Variants in FAF1 observed in about 807,000 individuals in gnomAD.
FAF1 encodes FAS-associated factor 1.
FAF1 carries 25 observed loss-of-function variants against 92.5 expected under a neutral mutation model. The observed-to-expected ratio is 0.27, with a 90% CI of 0.20 to 0.38. The LOEUF (loss-of-function observed/expected upper bound fraction) is 0.38. Ranked by LOEUF, FAF1 falls within the 10% of genes least tolerant of loss-of-function variation. FAF1 has a pLI of 1.00. For missense variants in FAF1, 636 were observed against 793.3 expected (o/e 0.80, Z 2.38); for synonymous variants, 234 against 273.2 (o/e 0.86, Z 1.42).
intron 9 of FAF1, among the ~76,000 whole-genome samples, chr1:50,592,323 G>A (rs1266938245): frequency 6.6e-6 from 1 of 152,002 alleles, no homozygotes; most frequent in African/African-American, 2.4e-5. Context: ...ACTGTCAACT[G>A]AGAACTGAAC....
At chr1:50,937,420 C>T (rs1162971653) in intron 1 of FAF1, among the ~76,000 whole-genome samples, 3 of 151,764 alleles carry the variant, frequency 2.0e-5, no homozygotes, top group African/African-American at 7.3e-5. Flanking sequence ...TGGGGCGGGG[C>T]GCAGATTCTG....
At chr1:50,697,354 C>T (rs1426965692) in intron 7 of FAF1, among the ~76,000 whole-genome samples, 1 of 152,064 alleles carries the variant, frequency 6.6e-6, no homozygotes, top group African/African-American at 2.4e-5. Flanking sequence ...GGGGGCTGTA[C>T]TATAGACATT....
At chr1:50,536,161 A>C (rs1488984164) in intron 14 of FAF1, among the ~76,000 whole-genome samples, 1 of 152,122 alleles carries the variant, frequency 6.6e-6, no homozygotes, top group African/African-American at 2.4e-5. Context: ...GCTGCTTTTA[A>C]ATGATTCTTA....
At chr1:50,565,815 T>C (rs927400092) in intron 13 of FAF1, among the ~76,000 whole-genome samples, 20 of 152,080 alleles carry the variant, frequency 1.3e-4, no homozygotes, top group African/African-American at 4.6e-4. Context: ...TAGTGTTTCC[T>C]TCTCCATCAA....
intron 5 of FAF1, among the ~76,000 whole-genome samples, chr1:50,739,410 A>G (rs569024788): frequency 1.7e-5 from 2 of 115,948 alleles, no homozygotes. Context: ...GTATGTGTAT[A>G]CATGTGAGTG....
intron 2 of FAF1, among the ~76,000 whole-genome samples, chr1:50,817,143 C>T (rs150722193): frequency 1.3e-5 from 2 of 152,128 alleles, no homozygotes; most frequent in East Asian, 3.9e-4. Flanking sequence ...TCTTTTTGCT[C>T]AGGATGGCTT....
chr1:50,577,456 C>T (rs749049097), intron 12 of FAF1, among the ~76,000 whole-genome samples: 3 of 152,088 alleles, frequency 2.0e-5, no homozygotes, highest in Non-Finnish European at 4.4e-5. Context: ...ACTCAGGAGG[C>T]GGAGTTTGCA....
intron 8 of FAF1, among the ~76,000 whole-genome samples, chr1:50,629,161 CTT>C (rs759732173): frequency 1.5e-4 from 17 of 110,720 alleles, no homozygotes; most frequent in African/African-American, 2.5e-4. Context: ...CAGATAGATG[CTT>C]TTTTTTTTTT....
At chr1:50,709,394 T>C (rs1657822432) in intron 6 of FAF1, among the ~76,000 whole-genome samples, 1 of 152,206 alleles carries the variant, frequency 6.6e-6, no homozygotes, top group Non-Finnish European at 1.5e-5. Context: ...TACTTATCAG[T>C]ATATCCCTTG....
At chr1:50,467,568 A>C (rs1485686874) in intron 18 of FAF1, among the ~76,000 whole-genome samples, 1 of 152,054 alleles carries the variant, frequency 6.6e-6, no homozygotes, top group East Asian at 1.9e-4. Flanking sequence ...CCTCCTCGGC[A>C]TCCCAAAGTG....
chr1:50,533,654 A>G (rs1248846916), intron 15 of FAF1, among the ~76,000 whole-genome samples: 1 of 152,238 alleles, frequency 6.6e-6, no homozygotes, highest in African/African-American at 2.4e-5. Context: ...ATAGTCTATT[A>G]AAACTATCCT....
chr1:50,486,490 A>T (rs896243933), intron 17 of FAF1, among the ~76,000 whole-genome samples: 1 of 151,156 alleles, frequency 6.6e-6, no homozygotes, highest in African/African-American at 2.4e-5. Context: ...CTTCTACTTC[A>T]TCTTTAACCA....
Position 50,617,693 on chromosome 1 carries a change from G to GTTT in FAF1, c.745-21480_745-21478dup, listed in dbSNP as rs61376152. 2.5e-3 allele frequency among the ~76,000 whole-genome samples: 292 copies of GTTT among 119,174 alleles called. 2 individuals are homozygous for GTTT. Among genetic ancestry groups the GTTT allele is most frequent in the African/African-American group, 6.5e-3 (218 of 33,342 alleles). 78.2% of individuals were successfully genotyped at this position (119,174 alleles called of 152,430 possible). A position where few individuals can be genotyped will look rare whatever the true frequency, so the allele number is the denominator to read the frequency against. ...CTAGGGAAGGAGTCCCTCCTCTTCT[G>GTTT]TTTTTTTTTTTTTTTTTTTAATAAT... On this transcript the variant is annotated intron_variant, in intron 8 of 18. Transcript: ENST00000396153.
chr1:50,639,543 C>T (rs1654219913), intron 8 of FAF1, among the ~76,000 whole-genome samples: 1 of 152,204 alleles, frequency 6.6e-6, no homozygotes, highest in African/African-American at 2.4e-5. Context: ...GTTGCACCAT[C>T]CACGTACTCC....
chr1:50,635,201 C>T (rs1257117960), intron 8 of FAF1, among the ~76,000 whole-genome samples: 2 of 152,108 alleles, frequency 1.3e-5, no homozygotes, highest in African/African-American at 4.8e-5. Context: ...ATTTGAAATT[C>T]ACTTATGTTC....
chr1:50,926,047 C>G (rs1393361963), intron 1 of FAF1, among the ~76,000 whole-genome samples: 1 of 152,118 alleles, frequency 6.6e-6, no homozygotes, highest in Non-Finnish European at 1.5e-5. Flanking sequence ...AATACCCCAT[C>G]TCTATAAAAA....
At chr1:50,903,577 G>A (rs1310400700) in intron 1 of FAF1, among the ~76,000 whole-genome samples, 1 of 152,098 alleles carries the variant, frequency 6.6e-6, no homozygotes, top group African/African-American at 2.4e-5. Context: ...AACAAAAAAT[G>A]TTGAAACATT....
chr1:50,584,177 T>C (rs1651116977), intron 10 of FAF1, among the ~76,000 whole-genome samples: 1 of 152,124 alleles, frequency 6.6e-6, no homozygotes, highest in Non-Finnish European at 1.5e-5. Context: ...AAATAGGCCA[T>C]TATTATTTTA....
At chr1:50,911,903 G>T (rs979770151) in intron 1 of FAF1, among the ~76,000 whole-genome samples, 3 of 151,972 alleles carry the variant, frequency 2.0e-5, no homozygotes, top group Admixed American at 6.6e-5. Flanking sequence ...CAGGCATGGT[G>T]GCATGCCCCT....
Sources: allele counts gnomAD v4.1 joint callset (sites outside exome capture counted in the v4.1 genomes callset), GRCh38; gene constraint gnomAD v4.1.1; transcripts MANE v1.5; gene names NCBI Gene and HGNC (gene_info 2026-07-23, HGNC 2026-07-21).